The following CSMD1 variants were observed in gnomAD, a reference collection of about 807,000 sequenced individuals.
The protein encoded by CSMD1 is CUB and sushi domain-containing protein 1.
A neutral mutation model predicts 417.5 loss-of-function variants in CSMD1; 213 were observed. That is an observed-to-expected ratio of 0.51 (90% CI 0.46 to 0.57). The LOEUF (loss-of-function observed/expected upper bound fraction) is 0.57. Ranked by LOEUF, CSMD1 falls within the 20% of genes least tolerant of loss-of-function variation. The pLI, the probability that CSMD1 is intolerant of heterozygous loss-of-function variation, is 0.00. For synonymous variants in CSMD1, 2,862 were observed against 1,736.8 expected (o/e 1.65, Z -16.11); for missense variants, 6,923 against 4,529.7 (o/e 1.53, Z -15.17).
At chr8:3,044,757 C>A (rs2128985492) in intron 50 of CSMD1, among the ~76,000 whole-genome samples, 1 of 152,308 alleles carries the variant, frequency 6.6e-6, no homozygotes, top group East Asian at 1.9e-4. Flanking sequence ...GTGAAACGAA[C>A]TAATTGTATT....
intron 22 of CSMD1, among the ~76,000 whole-genome samples, chr8:3,343,665 T>C (rs988191399): frequency 2.0e-5 from 3 of 152,220 alleles, no homozygotes; most frequent in Non-Finnish European, 4.4e-5. Flanking sequence ...AAAGATTCCA[T>C]TCTTGTTCAG....
intron 1 of CSMD1, among the ~76,000 whole-genome samples, chr8:4,978,021 A>G (rs1341389159): frequency 6.6e-6 from 1 of 152,186 alleles, no homozygotes; most frequent in Admixed American, 6.5e-5. Flanking sequence ...AATCGATGTG[A>G]GAGAGATACA....
intron 7 of CSMD1, among the ~76,000 whole-genome samples, chr8:3,663,165 G>A (rs377509183): frequency 6.6e-6 from 1 of 152,118 alleles, no homozygotes; most frequent in Non-Finnish European, 1.5e-5. Context: ...AGGAAGAAAG[G>A]CTGGTGCATT....
At chr8:4,383,038 C>A (rs1240519348) in intron 3 of CSMD1, among the ~76,000 whole-genome samples, 2 of 152,170 alleles carry the variant, frequency 1.3e-5, no homozygotes, top group South Asian at 4.1e-4. Flanking sequence ...ATATTCTGGT[C>A]TCTGTCAGCA....
chr8:3,523,672 C>CTT (rs1797611303), intron 10 of CSMD1, among the ~76,000 whole-genome samples: 1 of 142,792 alleles, frequency 7.0e-6, no homozygotes, highest in African/African-American at 2.8e-5. Flanking sequence ...CATGCACACA[C>CTT]ACGTACACCC....
chr8:3,332,275 C>G (rs910961227), intron 23 of CSMD1, among the ~76,000 whole-genome samples: 7 of 152,242 alleles, frequency 4.6e-5, no homozygotes, highest in South Asian at 2.1e-4. Flanking sequence ...GTATCCTGCC[C>G]TCTTGCTTTG....
intron 26 of CSMD1, among the ~76,000 whole-genome samples, chr8:3,261,450 A>T (rs796481300): frequency 6.6e-6 from 1 of 152,194 alleles, no homozygotes; most frequent in Non-Finnish European, 1.5e-5. Flanking sequence ...AAATCCTACA[A>T]ATCACCACTG....
chr8:4,036,379 T>C (rs1797619568), intron 3 of CSMD1, among the ~76,000 whole-genome samples: 1 of 152,192 alleles, frequency 6.6e-6, no homozygotes, highest in African/African-American at 2.4e-5. Flanking sequence ...TGCGCAATGG[T>C]ATTTTCCAGC....
chr8:4,621,998 G>A (rs376542798), intron 2 of CSMD1, among the ~76,000 whole-genome samples: 4 of 151,798 alleles, frequency 2.6e-5, no homozygotes, highest in Admixed American at 6.6e-5. Flanking sequence ...AAAACCCTCA[G>A]CAAACTACTA....
At chr8:4,507,302 C>G (rs1386691143) in intron 2 of CSMD1, among the ~76,000 whole-genome samples, 1 of 152,174 alleles carries the variant, frequency 6.6e-6, no homozygotes, top group African/African-American at 2.4e-5. Flanking sequence ...TAGCTCAGCA[C>G]TTACCTTGTA....
chr8:4,182,491 C>G (rs1034229473), intron 3 of CSMD1, among the ~76,000 whole-genome samples: 1 of 152,074 alleles, frequency 6.6e-6, no homozygotes, highest in South Asian at 2.1e-4. Flanking sequence ...TAAGATACGT[C>G]ACATTATTAG....
At chr8:2,973,336 T>G (rs751382397) in intron 56 of CSMD1, 37 bp from the exon 57 acceptor site, 1 of 1,591,660 alleles carries the variant, frequency 6.3e-7, no homozygotes, top group South Asian at 1.1e-5. Flanking sequence ...TCCACAATTG[T>G]GTTAGACTTG....
chr8:3,549,662 A>G (rs966430192), intron 10 of CSMD1, among the ~76,000 whole-genome samples: 5 of 152,154 alleles, frequency 3.3e-5, no homozygotes, highest in African/African-American at 1.2e-4. Context: ...AATCTAGGAG[A>G]AATCTAGCTA....
chr8:4,512,969 T>G (rs1298670737), intron 2 of CSMD1, among the ~76,000 whole-genome samples: 1 of 152,160 alleles, frequency 6.6e-6, no homozygotes, highest in Non-Finnish European at 1.5e-5. Flanking sequence ...AGGGAAACAG[T>G]GAACAGGTCA....
intron 5 of CSMD1, among the ~76,000 whole-genome samples, chr8:3,843,957 G>C (rs985686508): frequency 5.3e-5 from 8 of 152,102 alleles, no homozygotes; most frequent in African/African-American, 4.8e-5. Context: ...ACAATGATGA[G>C]GAACTCAGAA....
intron 42 of CSMD1, among the ~76,000 whole-genome samples, chr8:3,117,341 T>A (rs919176790): frequency 6.6e-6 from 1 of 152,112 alleles, no homozygotes; most frequent in African/African-American, 2.4e-5. Flanking sequence ...AAAGTGTGTT[T>A]GTAGTTATTT....
At chr8:4,094,524 A>G (rs1294928531) in intron 3 of CSMD1, among the ~76,000 whole-genome samples, 1 of 152,176 alleles carries the variant, frequency 6.6e-6, no homozygotes, top group Non-Finnish European at 1.5e-5. Flanking sequence ...TCTAACTTTC[A>G]GATTAAATAG....
Position 3,570,307 on chromosome 8 carries a change from G to A in CSMD1, c.1344+4638C>T, listed in dbSNP as rs540870401. ...TTGCCTGGATGTGATGGATATCACT[G>A]GTCACCATACACTAACCGTCGGCTC... On this transcript the variant is annotated intron_variant, in intron 10 of 69. Coordinates refer to ENST00000635120, the MANE Select transcript of CSMD1 (RefSeq NM_033225.6). Among the ~76,000 whole-genome samples the A allele has an allele frequency of 1.3e-3, 191 of 152,308 alleles. 5 individuals are homozygous for A. The highest frequency in any genetic ancestry group is 0.012 in the Admixed American group (190 of 15,300).
At chr8:4,449,297 G>A (rs1798992763) in intron 2 of CSMD1, among the ~76,000 whole-genome samples, 1 of 152,130 alleles carries the variant, frequency 6.6e-6, no homozygotes, top group South Asian at 2.1e-4. Flanking sequence ...TTTACCAGGA[G>A]CAGATGAAAA....
Sources: allele counts gnomAD v4.1 joint callset (sites outside exome capture counted in the v4.1 genomes callset), GRCh38; gene constraint gnomAD v4.1.1; transcripts MANE v1.5; gene names NCBI Gene and HGNC (gene_info 2026-07-23, HGNC 2026-07-21).